NCKAP5: variants seen among roughly 807,000 people sequenced by gnomAD.
NCKAP5 encodes the protein nck-associated protein 5.
Under a neutral mutation model 167.0 loss-of-function variants are expected in NCKAP5, and 92 were observed. The observed-to-expected ratio is 0.55, with a 90% CI of 0.47 to 0.66. The LOEUF is 0.66. Among genes scored for constraint, NCKAP5 ranks in the 30% least tolerant of loss-of-function variants. The probability of loss-of-function intolerance (pLI) is 0.00; values close to 1 mark genes in which losing one functional copy is unlikely to be tolerated. For synonymous variants in NCKAP5, 891 were observed against 877.4 expected, an observed-to-expected ratio of 1.02 and a Z score of -0.27; for missense variants, 2,378 against 2,315.0, an observed-to-expected ratio of 1.03 and a Z score of -0.56.
At chr2:133,354,729 T>C (rs1684594515) in intron 3 of NCKAP5, among the ~76,000 whole-genome samples, 1 of 152,206 alleles carries the variant, frequency 6.6e-6, no homozygotes, top group African/African-American at 2.4e-5. Context: ...CACAGGACTA[T>C]AAATAACTTC....
chr2:133,251,991 A>C (rs571236738), intron 4 of NCKAP5, among the ~76,000 whole-genome samples: 1 of 152,280 alleles, frequency 6.6e-6, no homozygotes, highest in South Asian at 2.1e-4. Flanking sequence ...GTCATAACCC[A>C]CTAAAATTTT....
the NCKAP5 span, among the ~76,000 whole-genome samples, chr2:133,618,608 C>G: frequency 6.6e-6 from 1 of 151,986 alleles, no homozygotes; most frequent in Non-Finnish European, 1.5e-5. Context: ...CAATGAGATA[C>G]CATCTCATAC....
At chr2:133,470,660 G>A (rs993697504) in intron 3 of NCKAP5, among the ~76,000 whole-genome samples, 4 of 152,298 alleles carry the variant, frequency 2.6e-5, no homozygotes, top group South Asian at 4.1e-4. Context: ...AGTAATCAGC[G>A]AGACTCCATG....
intron 2 of NCKAP5, chr2:133,527,300 C>T (rs995242549): frequency 1.3e-4 from 20 of 152,156 alleles, no homozygotes; most frequent in Admixed American, 1.3e-3. Context: ...CATTATTCTC[C>T]ATTGAATGTC....
intron 8 of NCKAP5, among the ~76,000 whole-genome samples, chr2:132,939,211 A>C (rs894940733): frequency 1.3e-5 from 2 of 152,226 alleles, no homozygotes; most frequent in Non-Finnish European, 2.9e-5. Context: ...TATTAAAACT[A>C]AACACATCTT....
intron 3 of NCKAP5, among the ~76,000 whole-genome samples, chr2:133,399,480 C>T (rs1574881746): frequency 6.6e-6 from 1 of 151,984 alleles, no homozygotes; most frequent in East Asian, 1.9e-4. Context: ...TTCTAAGATT[C>T]TGTACATATA....
chr2:133,085,304 G>A (rs2080949705), intron 6 of NCKAP5, among the ~76,000 whole-genome samples: 1 of 152,254 alleles, frequency 6.6e-6, no homozygotes, highest in African/African-American at 2.4e-5. Flanking sequence ...TAGAGATGAT[G>A]CAGCATTTAA....
chr2:133,566,177 T>C (rs996316071), intron 1 of NCKAP5, among the ~76,000 whole-genome samples: 2 of 151,556 alleles, frequency 1.3e-5, no homozygotes, highest in Admixed American at 6.6e-5. Flanking sequence ...CAGGCTTCAG[T>C]GAGAGAATGA....
chr2:132,937,431 C>T (rs1696938156), intron 8 of NCKAP5, among the ~76,000 whole-genome samples: 1 of 152,210 alleles, frequency 6.6e-6, no homozygotes, highest in Admixed American at 6.5e-5. Context: ...TTGGCCAGCA[C>T]TTCTTACTGG....
chr2:133,531,139 AAGG>A (rs2104827392), intron 2 of NCKAP5, among the ~76,000 whole-genome samples: 2 of 152,240 alleles, frequency 1.3e-5, no homozygotes, highest in African/African-American at 4.8e-5. Flanking sequence ...AAAGAAAAAA[AAGG>A]AAGAAGGGAG....
Position 133,533,362 on chromosome 2 carries a change from G to T in NCKAP5, c.-61-15775C>A, listed in dbSNP as rs546367491. 1.2e-3 allele frequency among the ~76,000 whole-genome samples: 188 copies of T among 152,332 alleles called. 2 individuals are homozygous for T. Among genetic ancestry groups the T allele is most frequent in the African/African-American group, 4.1e-3 (171 of 41,588 alleles). ...AAAATCTCTCAATGTTTGAAGATTA[G>T]TTCGGTTTTTAAAAAGTAGTTCACA... On this transcript the variant is annotated intron_variant, in intron 2 of 19. Transcript: ENST00000409261.
At chr2:133,502,442 C>T (rs1682607709) in intron 3 of NCKAP5, among the ~76,000 whole-genome samples, 1 of 152,112 alleles carries the variant, frequency 6.6e-6, no homozygotes. Flanking sequence ...TGTTTGATGA[C>T]TTTTCTCCTT....
At chr2:133,311,450 C>T (rs1490242546) in intron 3 of NCKAP5, among the ~76,000 whole-genome samples, 2 of 152,150 alleles carry the variant, frequency 1.3e-5, no homozygotes, top group Non-Finnish European at 2.9e-5. Context: ...CCCTTGAGCC[C>T]AGTCCTCCTG....
chr2:132,739,710 CT>C (rs981971446), intron 16 of NCKAP5, among the ~76,000 whole-genome samples: 17 of 152,254 alleles, frequency 1.1e-4, no homozygotes, highest in South Asian at 6.2e-4. Flanking sequence ...AACTACCCTG[CT>C]TATTTCCCAA....
intron 3 of NCKAP5, among the ~76,000 whole-genome samples, chr2:133,503,670 G>T (rs1437024601): frequency 2.0e-5 from 3 of 152,114 alleles, no homozygotes; most frequent in African/African-American, 7.2e-5. Context: ...ATTTTTCATG[G>T]GGATCCGGTA....
intron 3 of NCKAP5, among the ~76,000 whole-genome samples, chr2:133,505,384 T>C (rs1001167400): frequency 1.3e-5 from 2 of 152,104 alleles, no homozygotes; most frequent in African/African-American, 4.8e-5. Flanking sequence ...TATATATATA[T>C]ATGTAAACCA....
At chr2:133,568,487 G>C (rs1346446717), upstream of NCKAP5, 1 of 152,142 alleles carries the variant, frequency 6.6e-6, no homozygotes, top group African/African-American at 2.4e-5. Context: ...CAAGCTCCGT[G>C]GACAAAGTCC....
chr2:132,844,977 A>G (rs1005549151), intron 11 of NCKAP5, among the ~76,000 whole-genome samples: 5 of 152,228 alleles, frequency 3.3e-5, no homozygotes, highest in Non-Finnish European at 7.4e-5. Context: ...AAAGTCTTAT[A>G]TATTATCATC....
In NCKAP5 at chr2:133,181,603, C is replaced by CAAAAAAAAAAAA. The variant is rs34264277; in HGVS notation, c.207+32101_207+32112dup. Among the ~76,000 whole-genome samples, 579 of 71,118 alleles carry CAAAAAAAAAAAA rather than the reference C, an allele frequency of 8.1e-3. 15 individuals carry two copies. The highest frequency in any genetic ancestry group is 0.011 in the Non-Finnish European group (428 of 38,172). 46.7% of individuals were successfully genotyped at this position (71,118 alleles called of 152,430 possible). ...GCAACATGGTAAATCCCCATCTCTA[C>CAAAAAAAAAAAA]AAAAAAAAAAAAAAAAAAAAAAAAA... On this transcript the variant is annotated intron_variant, in intron 5 of 19. Coordinates refer to ENST00000409261, the MANE Select transcript of NCKAP5 (RefSeq NM_207363.3).
Sources: allele counts gnomAD v4.1 joint callset (sites outside exome capture counted in the v4.1 genomes callset), GRCh38; gene constraint gnomAD v4.1.1; transcripts MANE v1.5; gene names NCBI Gene and HGNC (gene_info 2026-07-23, HGNC 2026-07-21).